SYNE1: variants seen among roughly 807,000 people sequenced by gnomAD.
SYNE1 encodes the protein nesprin-1.
A neutral mutation model predicts 1,111.0 loss-of-function variants in SYNE1; 616 were observed. The ratio of observed to expected loss-of-function variants is 0.55; its 90% CI spans 0.52 to 0.59. SYNE1 has a LOEUF of 0.59. SYNE1 is among the 20% of genes least tolerant of loss of function. The pLI, the probability that SYNE1 is intolerant of heterozygous loss-of-function variation, is 0.00. For synonymous variants in SYNE1, 3,855 were observed against 3,825.8 expected, an observed-to-expected ratio of 1.01 and a Z score of -0.28; for missense variants, 10,006 against 10,417.0, an observed-to-expected ratio of 0.96 and a Z score of 1.72.
Position 152,450,786 on chromosome 6 carries a change from T to C in SYNE1, c.3234A>G (p.Leu1078=). ...TCACACAGAGTTCCTCGATGAGCTG[T>C]AACCTTTTCTCACAGAGATGATGAG... ...KGPHHLCEKR[L]QLIEELCVKL... is the part of the protein sequence containing the mutation. Residue 1078 remains leucine (L), a synonymous_variant, in exon 27 of 146, where the codon TTA becomes TTG. Transcript: ENST00000367255. 2 of 1,614,132 alleles carry C rather than the reference T, an allele frequency of 1.2e-6. No individual in the cohort carries two copies. The highest frequency in any genetic ancestry group is 1.7e-6 in the Non-Finnish European group (2 of 1,180,034).
chr6:152,282,006 T>C (rs2094056698), intron 96 of SYNE1, 26 bp from the exon 97 acceptor site: 7 of 1,608,738 alleles, frequency 4.4e-6, no homozygotes, highest in Admixed American at 3.3e-5. Flanking sequence ...GAAGGTAATA[T>C]AGATCACGCT....
rs764627385 is a variant in SYNE1, at chr6:152,336,904, G to A, written c.12465C>T (p.Asn4155=). 5.6e-6 allele frequency: 9 copies of A among 1,613,996 alleles called. No homozygotes were observed. The highest frequency in any genetic ancestry group is 1.3e-5 in the African/African-American group (1 of 74,914). The change falls in exon 76 of 146, where the codon AAC becomes AAT. Residue 4155 remains asparagine, a synonymous_variant. Transcript: ENST00000367255. Reference sequence around the variant, plus strand: ...CCAGCTCAGAGTGCCTCCTCTTCATGTTCTGCAGTTGCTGATCAGCATCTT... The same window carrying A: ...CCAGCTCAGAGTGCCTCCTCTTCATATTCTGCAGTTGCTGATCAGCATCTT... ...YLQDADQQLQ[N]MKRRHSELEL...
chr6:152,486,454 A>C (rs1564388311), intron 12 of SYNE1, among the ~76,000 whole-genome samples: 1 of 152,110 alleles, frequency 6.6e-6, no homozygotes, highest in Non-Finnish European at 1.5e-5. Context: ...TGAAAGGAGG[A>C]TTTCTGTTTT....
intron 11 of SYNE1, among the ~76,000 whole-genome samples, chr6:152,495,249 A>G (rs916401763): frequency 6.6e-6 from 1 of 152,152 alleles, no homozygotes; most frequent in African/African-American, 2.4e-5. Context: ...GGAAACTAAA[A>G]TACCTCTTGG....
intron 6 of SYNE1, among the ~76,000 whole-genome samples, 190 bp from the exon 7 acceptor site, chr6:152,511,293 T>G (rs2099083670): frequency 6.6e-6 from 1 of 152,214 alleles, no homozygotes; most frequent in African/African-American, 2.4e-5. Flanking sequence ...CAGGGGGATT[T>G]GTTAGGTGTA....
intron 66 of SYNE1, 121 bp from the exon 67 acceptor site, chr6:152,355,097 T>C: frequency 9.6e-7 from 1 of 1,036,650 alleles, no homozygotes; most frequent in Non-Finnish European, 1.5e-6. Context: ...ATGATTTTAT[T>C]ATTATGCCCT....
chr6:152,427,300 A>G (rs1237754767), intron 38 of SYNE1, among the ~76,000 whole-genome samples: 1 of 152,190 alleles, frequency 6.6e-6, no homozygotes, highest in Non-Finnish European at 1.5e-5. Flanking sequence ...TATTGCCCAA[A>G]CGTCATATAA....
intron 131 of SYNE1, among the ~76,000 whole-genome samples, chr6:152,162,205 G>A (rs2062655521): frequency 6.6e-6 from 1 of 152,166 alleles, no homozygotes; most frequent in Non-Finnish European, 1.5e-5. Flanking sequence ...AGCTTCACCT[G>A]ATCTCCACTT....
Position 152,316,876 on chromosome 6 carries a change from C to T in SYNE1, c.16683G>A (p.Gln5561=). The stretch of plus-strand genomic sequence containing the variant: ...GATGCAAAATATATTGTTCCCGAAG[C>T]TGGCTTGCAGAATTCCATGCAATAG... ...HGTIAWNSAS[Q]LREQYILHQT... The change falls in exon 87 of 146, where the codon CAG becomes CAA. Residue 5561 remains glutamine, a synonymous_variant. Transcript: ENST00000367255. 6.2e-7 allele frequency: 1 copy of T among 1,614,150 alleles called. No homozygotes were observed. The highest frequency in any genetic ancestry group is 8.5e-7 in the Non-Finnish European group (1 of 1,180,016).
chr6:152,146,288 T>C (rs2059502108), intron 137 of SYNE1: 1 of 152,272 alleles, frequency 6.6e-6, no homozygotes, highest in African/African-American at 2.4e-5. Flanking sequence ...GTGAACTATA[T>C]ATGTAATCTT....
intron 142 of SYNE1, 103 bp from the exon 143 acceptor site, chr6:152,133,591 C>T: frequency 8.7e-7 from 1 of 1,153,862 alleles, no homozygotes; most frequent in Non-Finnish European, 1.3e-6. Context: ...GGAAATTATA[C>T]CTGAGCATCA....
intron 29 of SYNE1, among the ~76,000 whole-genome samples, chr6:152,446,649 G>T (rs1298773038): frequency 1.3e-5 from 2 of 152,114 alleles, no homozygotes; most frequent in Non-Finnish European, 2.9e-5. Context: ...CTACTTAAAT[G>T]ATTTCAAGAA....
Position 152,140,022 on chromosome 6 carries a change from C to G in SYNE1, c.25386G>C (p.Glu8462Asp), listed in dbSNP as rs1197665133. The G allele has an allele frequency of 3.1e-6, 5 of 1,614,056 alleles. No individual in the cohort carries two copies. The Admixed American group carries it at 6.7e-5, about 22-fold the overall frequency. The change falls in exon 140 of 146, where the codon GAG becomes GAC. Residue 8462 changes from glutamate to aspartate, a missense_variant. Around this residue, in one of 7 missense-constraint regions of SYNE1, gnomAD observed 761 missense variants for 795.5 expected, o/e 0.96. Coordinates refer to ENST00000367255, the MANE Select transcript of SYNE1 (RefSeq NM_182961.4). ...GTTCCAGACGCTGGAGCTGTTCCAA[C>G]TCCTCCTCCGTGTCCCCCAGCCAGG... ...IWAWLGDTEE[E>D]LEQLQRLELS...
In SYNE1 at chr6:152,607,399, C is replaced by A. The variant is rs561391684; in HGVS notation, c.67+20866G>T. 1.8e-4 allele frequency among the ~76,000 whole-genome samples: 28 copies of A among 151,464 alleles called. 2 individuals are homozygous for A. Among genetic ancestry groups the A allele is most frequent in the African/African-American group, 6.6e-4 (27 of 41,210 alleles). On this transcript the variant is annotated intron_variant, in intron 3 of 145. Coordinates refer to ENST00000367255, the MANE Select transcript of SYNE1 (RefSeq NM_182961.4). ...GTTTGCAAGAGCCCTTCTGAAGCAA[C>A]AGAAAAAAACTGATGTCAAGATTTT...
At chr6:152,314,462 C>T (rs942743998) in intron 87 of SYNE1, among the ~76,000 whole-genome samples, 5 of 152,124 alleles carry the variant, frequency 3.3e-5, no homozygotes, top group Non-Finnish European at 5.9e-5. Context: ...CCTCTTAAAC[C>T]CCTGGTGGGC....
At chr6:152,283,496 C>T (rs2153730238) in intron 96 of SYNE1, among the ~76,000 whole-genome samples, 1 of 152,314 alleles carries the variant, frequency 6.6e-6, no homozygotes, top group Non-Finnish European at 1.5e-5. Context: ...TACACACTGA[C>T]TGTACTCTAT....
intron 102 of SYNE1, among the ~76,000 whole-genome samples, chr6:152,256,248 G>A (rs530837243): frequency 1.4e-4 from 21 of 151,468 alleles, no homozygotes; most frequent in African/African-American, 4.8e-4. Flanking sequence ...GTGAAACCCC[G>A]TCTTCACTAA....
At chr6:152,615,410 C>G (rs1370414789) in intron 3 of SYNE1, among the ~76,000 whole-genome samples, 3 of 135,290 alleles carry the variant, frequency 2.2e-5, no homozygotes, top group Non-Finnish European at 4.7e-5. Flanking sequence ...CTCCAAGACT[C>G]AATGTTGTCT....
rs752017186 is a variant in SYNE1, at chr6:152,201,866, C to T, written c.23103G>A (p.Pro7701=). Residue 7701 remains proline, a synonymous_variant, in exon 127 of 146, where the codon CCG becomes CCA. Coordinates refer to ENST00000367255, the MANE Select transcript of SYNE1 (RefSeq NM_182961.4). ...CTGCATGGAGCTCTTCATGGTGATC[C>T]GGGAGAGACTGCGAAAGCTTCTTTT... ...TFKKKLSQSL[P]DHHEELHAEQ... is the part of the protein sequence containing the mutation. 12 of 1,613,804 alleles carry T rather than the reference C, an allele frequency of 7.4e-6. No individual in the cohort carries two copies. The highest frequency in any genetic ancestry group is 2.2e-5 in the South Asian group (2 of 91,074).
Sources: allele counts gnomAD v4.1 joint callset (sites outside exome capture counted in the v4.1 genomes callset), GRCh38; gene constraint gnomAD v4.1.1; regional missense constraint gnomAD v4.1.1; transcripts MANE v1.5; gene names NCBI Gene and HGNC (gene_info 2026-07-23, HGNC 2026-07-21).